The following HPSE2 variants were observed in gnomAD, a reference collection of about 807,000 sequenced individuals.
HPSE2 encodes heparanase 2 (inactive), also known as inactive heparanase-2.
In HPSE2, 38 loss-of-function variants were observed where a neutral mutation model predicts 60.5. The ratio of observed to expected loss-of-function variants is 0.63; its 90% CI spans 0.48 to 0.82. HPSE2 has a LOEUF of 0.82. Ranked by LOEUF, HPSE2 falls within the 40% of genes least tolerant of loss-of-function variation. The pLI is 0.00. For synonymous variants in HPSE2, 295 were observed against 293.2 expected (o/e 1.01, Z -0.06); for missense variants, 713 against 740.4 (o/e 0.96, Z 0.43).
intron 3 of HPSE2, among the ~76,000 whole-genome samples, chr10:99,099,534 C>T (rs913349755): frequency 3.0e-4 from 46 of 152,216 alleles, no homozygotes; most frequent in Non-Finnish European, 6.8e-4. Context: ...CTAAAGGAAG[C>T]CTGCCTGCCT....
intron 3 of HPSE2, among the ~76,000 whole-genome samples, chr10:99,073,939 G>GTTTTT (rs34409713): frequency 2.3e-5 from 3 of 127,904 alleles, no homozygotes; most frequent in East Asian, 2.3e-4. Context: ...AGTTCCAAAA[G>GTTTTT]TTTTTTTTTT....
chr10:98,629,915 TG>T (rs900390845), intron 7 of HPSE2, among the ~76,000 whole-genome samples: 1 of 152,176 alleles, frequency 6.6e-6, no homozygotes, highest in Non-Finnish European at 1.5e-5. Context: ...TTTCCTTAAC[TG>T]GGGAAAAAAA....
intron 9 of HPSE2, among the ~76,000 whole-genome samples, chr10:98,494,510 G>A (rs1453991504): frequency 1.3e-5 from 2 of 152,366 alleles, no homozygotes; most frequent in Admixed American, 6.5e-5. Flanking sequence ...AGGCTAAATT[G>A]TGGGAGCTAA....
intron 3 of HPSE2, among the ~76,000 whole-genome samples, chr10:98,929,194 A>G (rs1330587710): frequency 7.0e-6 from 1 of 143,094 alleles, no homozygotes; most frequent in Non-Finnish European, 1.5e-5. Flanking sequence ...ACAAAGTTCC[A>G]GAAGCACACA....
intron 3 of HPSE2, among the ~76,000 whole-genome samples, chr10:99,133,044 G>A (rs1409580726): frequency 2.6e-5 from 4 of 152,310 alleles, no homozygotes; most frequent in Non-Finnish European, 4.4e-5. Context: ...TGGGATGCAT[G>A]AGCTTGGTGA....
intron 9 of HPSE2, among the ~76,000 whole-genome samples, chr10:98,527,394 C>G (rs1943001105): frequency 6.6e-6 from 1 of 152,192 alleles, no homozygotes; most frequent in Non-Finnish European, 1.5e-5. Flanking sequence ...TCTCCAACCT[C>G]GTTTCCTACC....
Position 98,638,432 on chromosome 10 carries a change from G to A in HPSE2, c.1098+3415C>T, listed in dbSNP as rs1276961261. Among the ~76,000 whole-genome samples, 10 of 152,092 alleles carry A rather than the reference G, an allele frequency of 6.6e-5. No homozygotes were observed. In the East Asian group the frequency reaches 7.7e-4, roughly 12 times the overall value. ...TGCACTCCAACCTGGGTGACAGAGCGAGACTCTGTCACAAAAAATTAAAAA... is the reference window on the plus strand; with the variant it reads ...TGCACTCCAACCTGGGTGACAGAGCAAGACTCTGTCACAAAAAATTAAAAA... On this transcript the variant is annotated intron_variant, in intron 7 of 11. Transcript: ENST00000370552.
At chr10:99,239,492 C>T (rs1233085467), upstream of HPSE2, among the ~76,000 whole-genome samples, 1 of 138,396 alleles carries the variant, frequency 7.2e-6, no homozygotes, top group African/African-American at 2.7e-5. Context: ...TGCAGTGGCA[C>T]GATCTCGGCT....
intron 3 of HPSE2, among the ~76,000 whole-genome samples, chr10:98,962,592 A>C (rs539630068): frequency 6.6e-6 from 1 of 151,144 alleles, no homozygotes; most frequent in Non-Finnish European, 1.5e-5. Flanking sequence ...GCAATCAGGC[A>C]GGAGAAGGAA....
chr10:98,937,314 G>C (rs1954830715), intron 3 of HPSE2, among the ~76,000 whole-genome samples: 1 of 144,614 alleles, frequency 6.9e-6, no homozygotes, highest in South Asian at 2.1e-4. Flanking sequence ...CAAGGAGTCG[G>C]GGAGTTCCCT....
At chr10:98,799,766 G>A (rs1171625210) in intron 3 of HPSE2, among the ~76,000 whole-genome samples, 1 of 151,512 alleles carries the variant, frequency 6.6e-6, no homozygotes, top group Non-Finnish European at 1.5e-5. Flanking sequence ...CACAACCTAT[G>A]GGATACAGCA....
At chr10:98,938,301 A>G (rs537872172) in intron 3 of HPSE2, among the ~76,000 whole-genome samples, 1 of 144,690 alleles carries the variant, frequency 6.9e-6, no homozygotes, top group African/African-American at 2.8e-5. Context: ...GAGCTACAGG[A>G]GGAAATTCAA....
chr10:98,526,270 G>C (rs189323681), intron 9 of HPSE2, among the ~76,000 whole-genome samples: 1 of 152,324 alleles, frequency 6.6e-6, no homozygotes, highest in Admixed American at 6.5e-5. Context: ...GTCTTTTACT[G>C]TGAGTTGGTA....
At chr10:98,845,107 G>A (rs1356685383) in intron 3 of HPSE2, among the ~76,000 whole-genome samples, 1 of 152,234 alleles carries the variant, frequency 6.6e-6, no homozygotes, top group Non-Finnish European at 1.5e-5. Flanking sequence ...GCATTGGCTA[G>A]GAACAAGAAA....
Position 98,743,951 on chromosome 10 carries a change from G to C in HPSE2, c.716C>G (p.Ser239Cys). 1 of 1,614,020 alleles carries C rather than the reference G, an allele frequency of 6.2e-7. No individual in the cohort carries two copies. Among genetic ancestry groups the C allele is most frequent in the South Asian group, 1.1e-5 (1 of 91,086 alleles). Residue 239 changes from serine to cysteine, a missense_variant, in exon 4 of 12, where the codon TCT (serine) becomes TGT (cysteine). Ser to Cys is a moderately radical substitution (Grantham distance 112, BLOSUM62 -1). Coordinates refer to ENST00000370552, the MANE Select transcript of HPSE2 (RefSeq NM_021828.5). ...GTACTTCAACAGACTCAGGGCACTA[G>C]AACTGTTCCAGGAGTTATTGGGATT... Reference protein sequence around the residue: ...RRNPNNSWNSSSALSLLKYSA... With the variant: ...RRNPNNSWNSCSALSLLKYSA...
At chr10:98,618,051 C>T (rs12243125) in intron 8 of HPSE2, among the ~76,000 whole-genome samples, 3,037 of 152,228 alleles carry the variant, frequency 0.02, 114 homozygotes, top group African/African-American at 0.067. Flanking sequence ...TACTCCCCCC[C>T]GCCACGACAG....
At chr10:98,902,831 T>C (rs1953703561) in intron 3 of HPSE2, among the ~76,000 whole-genome samples, 1 of 152,180 alleles carries the variant, frequency 6.6e-6, no homozygotes, top group East Asian at 1.9e-4. Flanking sequence ...GCACCAAAAA[T>C]AAGACAGATT....
At chr10:99,175,717 G>A (rs1210932154) in intron 2 of HPSE2, among the ~76,000 whole-genome samples, 1 of 152,206 alleles carries the variant, frequency 6.6e-6, no homozygotes, top group East Asian at 1.9e-4. Flanking sequence ...AAACGTTCCT[G>A]CCTGCTGGCT....
chr10:99,015,227 C>A (rs371502207), intron 3 of HPSE2, among the ~76,000 whole-genome samples: 27 of 151,780 alleles, frequency 1.8e-4, no homozygotes, highest in South Asian at 1.3e-3. Flanking sequence ...GTGGGACTGT[C>A]AACTAGTTCA....
Sources: gnomAD v4.1 joint callset for allele counts (sites outside exome capture counted in the v4.1 genomes callset) on GRCh38, gnomAD v4.1.1 for gene constraint, MANE v1.5 for transcripts, NCBI Gene and HGNC (gene_info 2026-07-23, HGNC 2026-07-21) for gene names.